The following TENM1 variants were observed in gnomAD, a reference collection of about 807,000 sequenced individuals.
TENM1 encodes the protein teneurin-1.
In TENM1, 35 loss-of-function variants were observed where a neutral mutation model predicts 174.8. The ratio of observed to expected loss-of-function variants is 0.20; its 90% CI spans 0.15 to 0.27. TENM1 has a LOEUF of 0.27. Among genes scored for constraint, TENM1 ranks in the 10% least tolerant of loss-of-function variants. The pLI is 1.00. For missense variants in TENM1, 1,633 were observed against 2,130.1 expected (o/e 0.77, Z 4.59); for synonymous variants, 781 against 798.7 (o/e 0.98, Z 0.37).
intron 3 of TENM1, among the ~76,000 whole-genome samples, chrX:124,762,164 A>T (rs1187038020): frequency 2.7e-5 from 3 of 111,886 alleles, no homozygotes; most frequent in Non-Finnish European, 5.6e-5. Context: ...TCTTCTTAGA[A>T]GGGCACTAAT....
intron 8 of TENM1, among the ~76,000 whole-genome samples, chrX:124,650,608 A>C (rs2148394021): frequency 9.0e-6 from 1 of 111,394 alleles, no homozygotes; most frequent in Admixed American, 9.6e-5. Context: ...CTTCACAAAT[A>C]TTTTATTTCT....
the TENM1 span, among the ~76,000 whole-genome samples, chrX:125,184,096 T>C: frequency 1.8e-5 from 2 of 111,810 alleles, no homozygotes; most frequent in South Asian, 3.7e-4. Context: ...CTATGTCATG[T>C]TGTCTTTCTA....
At chrX:125,201,398 ACAAAG>A in the TENM1 span, among the ~76,000 whole-genome samples, 1 of 112,618 alleles carries the variant, frequency 8.9e-6, no homozygotes, top group Admixed American at 9.4e-5. Flanking sequence ...CAATGATTCT[ACAAAG>A]CATTCTTTCC....
the TENM1 span, among the ~76,000 whole-genome samples, chrX:125,074,877 T>C: frequency 8.9e-6 from 1 of 111,960 alleles, no homozygotes; most frequent in Admixed American, 9.5e-5. Context: ...AAACTCCAGT[T>C]CCTTCAGGAG....
chrX:124,588,453 A>G (rs1380009864), intron 11 of TENM1, among the ~76,000 whole-genome samples: 2 of 110,454 alleles, frequency 1.8e-5, no homozygotes, highest in Non-Finnish European at 3.8e-5. Context: ...AAAAAAACCA[A>G]ACACTGCATA....
At chrX:124,422,471 G>A (rs750893274) in exon 24 of TENM1, 13 of 1,211,300 alleles carry the variant, frequency 1.1e-5, no homozygotes, top group Non-Finnish European at 4.5e-6. Flanking sequence ...TTGCTACCTT[G>A]CTGACCAGGA....
intron 25 of TENM1, among the ~76,000 whole-genome samples, chrX:124,414,604 A>C (rs1183895500): frequency 9.1e-6 from 1 of 110,461 alleles, no homozygotes; most frequent in East Asian, 2.8e-4. Context: ...TCAAATACTA[A>C]CACTTGGGGT....
In TENM1 at chrX:124,621,408, G is replaced by T. The variant is rs886974707; in HGVS notation, c.2077+20383C>A. On this transcript the variant is annotated intron_variant, in intron 11 of 31. Transcript: ENST00000422452. ...GAATCGCTTGAACCTAGGAGGCGGA[G>T]GTTGCAGTGAGCTGAGATCACGCCA... Among the ~76,000 whole-genome samples the T allele has an allele frequency of 2.7e-5, 3 of 111,559 alleles. No individual in the cohort carries two copies. The Admixed American group carries it at 2.8e-4, about 11-fold the overall frequency.
At chrX:125,052,413 T>A in the TENM1 span, among the ~76,000 whole-genome samples, 2 of 111,785 alleles carry the variant, frequency 1.8e-5, no homozygotes, top group African/African-American at 6.5e-5. Context: ...CCTTTTCAAT[T>A]AACAAAGTAA....
Position 124,523,468 on chromosome X carries a change from C to T in TENM1, c.2929G>A (p.Asp977Asn), listed in dbSNP as rs141457198. The change falls in exon 17 of 32, where the codon GAT becomes AAT. Residue 977 changes from aspartate (D) to asparagine (N), a missense_variant. Around this residue, in one of 4 missense-constraint regions of TENM1, gnomAD observed 449 missense variants for 636.2 expected, o/e 0.71. Transcript: ENST00000422452. ...TTTGGGCTGATAAAGTTGGAGATATCGCAGGATGGCGGGTCTGATACAACT... is the reference window on the plus strand; with the variant it reads ...TTTGGGCTGATAAAGTTGGAGATATTGCAGGATGGCGGGTCTGATACAACT... 6 of 1,209,495 alleles carry T rather than the reference C, an allele frequency of 5.0e-6. No individual in the cohort carries two copies. The highest frequency in any genetic ancestry group is 2.3e-4 in the Middle Eastern group (1 of 4,374).
In TENM1 at chrX:124,697,006, G is replaced by A. The variant is rs113899051; in HGVS notation, c.1015+8007C>T. On this transcript the variant is annotated intron_variant, in intron 5 of 31. Coordinates refer to ENST00000422452, the Ensembl canonical transcript of TENM1. ...TTCTATGTATATATGCTAGCCTACA[G>A]TTCCCTGATCATTTGATCAGGAAAG... 8.0e-3 allele frequency among the ~76,000 whole-genome samples: 891 copies of A among 111,060 alleles called. 8 individuals are homozygous for A. Among genetic ancestry groups the A allele is most frequent in the African/African-American group, 0.028 (858 of 30,617 alleles).
At chrX:125,201,255 T>C in the TENM1 span, among the ~76,000 whole-genome samples, 4 of 112,441 alleles carry the variant, frequency 3.6e-5, no homozygotes, top group African/African-American at 9.7e-5. Flanking sequence ...AATAGCTGAA[T>C]TGAAACACTG....
chrX:124,996,351 T>C, the TENM1 span, among the ~76,000 whole-genome samples: 3 of 110,513 alleles, frequency 2.7e-5, no homozygotes, highest in East Asian at 2.8e-4. Flanking sequence ...TGTAGTTGGG[T>C]TCTGAGTGGT....
intron 1 of TENM1, among the ~76,000 whole-genome samples, chrX:124,962,990 A>C (rs945895238): frequency 8.9e-6 from 1 of 112,180 alleles, no homozygotes; most frequent in Non-Finnish European, 1.9e-5. Context: ...GTCAATCCAT[A>C]ATTGAGAAAC....
chrX:124,747,154 A>C (rs991556682), intron 3 of TENM1, among the ~76,000 whole-genome samples: 2 of 78,843 alleles, frequency 2.5e-5, no homozygotes, highest in African/African-American at 1.8e-4. Flanking sequence ...TATTTCAATA[A>C]ATAAATAAAT....
intron 19 of TENM1, among the ~76,000 whole-genome samples, chrX:124,498,542 A>G (rs2283765): frequency 0.088 from 9,531 of 108,742 alleles, 565 homozygotes; most frequent in East Asian, 0.21. Context: ...GCCAGAACAA[A>G]CTACTTATGG....
At chrX:125,198,153 C>A in the TENM1 span, among the ~76,000 whole-genome samples, 3 of 112,181 alleles carry the variant, frequency 2.7e-5, no homozygotes, top group Non-Finnish European at 3.8e-5. Context: ...AAAATTAAAA[C>A]AACCAGTATG....
intron 15 of TENM1, among the ~76,000 whole-genome samples, chrX:124,537,380 G>A (rs1442371436): frequency 9.0e-6 from 1 of 111,256 alleles, no homozygotes; most frequent in Non-Finnish European, 1.9e-5. Flanking sequence ...ACATAACCCT[G>A]AGTAGGTAAA....
intron 11 of TENM1, among the ~76,000 whole-genome samples, chrX:124,601,139 T>C (rs1165910085): frequency 9.0e-6 from 1 of 111,587 alleles, no homozygotes; most frequent in African/African-American, 3.3e-5. Context: ...AAGTAAAGGG[T>C]GAATGGAAGG....
Sources: gnomAD v4.1 joint callset for allele counts (sites outside exome capture counted in the v4.1 genomes callset) on GRCh38, gnomAD v4.1.1 for gene constraint, gnomAD v4.1.1 regional missense constraint, MANE v1.5 for transcripts, NCBI Gene and HGNC (gene_info 2026-07-23, HGNC 2026-07-21) for gene names.